Variants in KCNH4 observed in about 807,000 individuals in gnomAD.
The protein encoded by KCNH4 is potassium voltage-gated channel subfamily H member 4.
A neutral mutation model predicts 90.7 loss-of-function variants in KCNH4; 33 were observed. The ratio of observed to expected loss-of-function variants is 0.36; its 90% CI spans 0.28 to 0.49. KCNH4 has a LOEUF of 0.49. Ranked by LOEUF, KCNH4 falls within the 20% of genes least tolerant of loss-of-function variation. KCNH4 has a pLI of 0.98. For missense variants in KCNH4, 1,044 were observed against 1,387.1 expected (o/e 0.75, Z 3.93); for synonymous variants, 551 against 581.7 (o/e 0.95, Z 0.76).
intron 4 of KCNH4, 141 bp from the exon 5 acceptor site, chr17:42,176,438 G>C: frequency 1.2e-5 from 8 of 667,944 alleles, no homozygotes; most frequent in Non-Finnish European, 2.0e-5. Flanking sequence ...GAGATAGAAG[G>C]CCAGGAGAGG....
In KCNH4 at chr17:42,160,040, T is replaced by A; in HGVS notation, c.3054A>T (p.Ter1018CysextTer53). The change falls in exon 16 of 17, where the codon TGA becomes TGT. Residue 1018 changes from the stop codon to cysteine (C), a stop_lost. Coordinates refer to ENST00000264661, the MANE Select transcript of KCNH4 (RefSeq NM_012285.3). ...GACAGGCCTGGGCCCTGGGCCAGGG[T>A]CAGTGGAACGTGTCTGACCTGGACT... is the stretch of plus-strand genomic sequence containing the variant. Reference protein sequence around the residue: ...SFQSRSDTFH* With the variant: ...SFQSRSDTFHC 6.6e-7 allele frequency: 1 copy of A among 1,511,800 alleles called. No homozygotes were observed. The highest frequency in any genetic ancestry group is 2.2e-5 in the Admixed American group (1 of 46,220). The allele number at this position is 1,511,800 out of a possible 1,614,324, so 93.6% of individuals were successfully genotyped here. A position where few individuals can be genotyped will look rare whatever the true frequency, so the allele number is the denominator to read the frequency against.
In KCNH4 at chr17:42,165,971, G is replaced by A. The variant is rs555424131; in HGVS notation, c.1841-278C>T. On this transcript the variant is annotated intron_variant, in intron 10 of 16. Transcript: ENST00000264661. ...CACAATGGCCGGAGGGGTCAGGTCA[G>A]TTAGAGGGTAAAAGTGAATGGAGTT... 6.6e-5 allele frequency among the ~76,000 whole-genome samples: 10 copies of A among 152,214 alleles called. No homozygotes were observed. In the East Asian group the frequency reaches 1.9e-3, roughly 29 times the overall value.
Position 42,163,887 on chromosome 17 carries a change from C to A in KCNH4, c.2196G>T (p.Ala732=). 1 of 1,540,764 alleles carries A rather than the reference C, an allele frequency of 6.5e-7. No individual in the cohort carries two copies. The highest frequency in any genetic ancestry group is 2.4e-5 in the East Asian group (1 of 41,390). ...GGGGCCTGGGACCACCCCCAGGCTC[C>A]GCGCCACTCTCGGCCTCTGTGATGG... The part of the protein sequence containing the change: ...LPSITEAESG[A]EPGGGPRPRR... The change falls in exon 13 of 17, where the codon GCG becomes GCT. Residue 732 remains alanine (A), a synonymous_variant. Coordinates refer to ENST00000264661, the MANE Select transcript of KCNH4 (RefSeq NM_012285.3). The surrounding 1 kb of genome is among the most constrained non-coding windows in gnomAD (Gnocchi z 5.4).
At position 42,175,581 on chromosome 17, in the gene KCNH4, C is replaced by T. The variant is rs141143817; in HGVS notation, c.985G>A (p.Val329Met). The T allele has an allele frequency of 5.0e-5, 81 of 1,613,988 alleles. No individual in the cohort carries two copies. Among genetic ancestry groups the T allele is most frequent in the Middle Eastern group, 1.6e-4 (1 of 6,080 alleles). ...FDLLYIFNIT[V>M]TSLVHLLKTV... is the part of the protein sequence containing the mutation. ...ATGGCGGGATGGAGGTCACTCACCA[C>T]GGTGATGTTGAAGATGTAAAGCAGG... Residue 329 changes from valine to methionine, a missense_variant and splice_region_variant, in exon 6 of 17, where the codon GTG becomes ATG. Physicochemically the swap from Val to Met is conservative, Grantham distance 21. Coordinates refer to ENST00000264661, the MANE Select transcript of KCNH4 (RefSeq NM_012285.3).
rs775955361 is a variant in KCNH4 at position 42,169,715 on chromosome 17, C to A, written c.1391-39G>T. 5 of 1,592,948 alleles carry A rather than the reference C, an allele frequency of 3.1e-6. No homozygotes were observed. The East Asian group carries it at 6.7e-5, about 21-fold the overall frequency. ...AGCGGGCCTGTCAGGGGCGGCCACC[C>A]CTCTGGCCACCTCCCCAGCTCCCAA... On this transcript the variant is annotated intron_variant, in intron 8 of 16. Coordinates refer to ENST00000264661, the MANE Select transcript of KCNH4 (RefSeq NM_012285.3).
At chr17:42,167,736 C>A (rs1271607953) in intron 9 of KCNH4, among the ~76,000 whole-genome samples, 3 of 152,260 alleles carry the variant, frequency 2.0e-5, no homozygotes, top group Non-Finnish European at 4.4e-5. Context: ...GGGAGTCACT[C>A]TGAGCTCCTC....
intron 10 of KCNH4, among the ~76,000 whole-genome samples, 191 bp from the exon 11 acceptor site, chr17:42,165,884 G>A (rs1411226888): frequency 6.6e-6 from 1 of 152,206 alleles, no homozygotes; most frequent in Non-Finnish European, 1.5e-5. Context: ...GTAAGGCTGG[G>A]AGACAGTCAG....
At chr17:42,161,164 G>A (rs148849317) in intron 15 of KCNH4, among the ~76,000 whole-genome samples, 5,337 of 152,082 alleles carry the variant, frequency 0.035, 142 homozygotes, top group Non-Finnish European at 0.054. Flanking sequence ...TCCTGACTTC[G>A]TGATCCACCC....
chr17:42,169,778 G>T, intron 8 of KCNH4, 102 bp from the exon 9 acceptor site: 1 of 1,229,862 alleles, frequency 8.1e-7, no homozygotes, highest in Non-Finnish European at 1.2e-6. Flanking sequence ...GCGGGCTCCT[G>T]TGTGCCTACC....
chr17:42,166,309 G>A lies in KCNH4; in HGVS notation c.1828C>T (p.Leu610=). The A allele has an allele frequency of 6.2e-7, 1 of 1,605,692 alleles. No homozygotes were observed. The highest frequency in any genetic ancestry group is 8.5e-7 in the Non-Finnish European group (1 of 1,176,160). Residue 610 remains leucine, a synonymous_variant, in exon 10 of 17, where the codon CTG becomes TTG. Coordinates refer to ENST00000264661, the MANE Select transcript of KCNH4 (RefSeq NM_012285.3). ...SLEVLRDNMV[L]AILGKGDLIG... ...ACGGTGTCCTTACCCAGGATGGCCA[G>A]CACCATGTTGTCTCGGAGCACCTCA... is the stretch of plus-strand genomic sequence containing the variant.
At chr17:42,164,751 G>A (rs2079774383) in intron 11 of KCNH4, among the ~76,000 whole-genome samples, 1 of 151,830 alleles carries the variant, frequency 6.6e-6, no homozygotes, top group African/African-American at 2.4e-5. Context: ...GCAGTGAGCT[G>A]AGATGGCGCC....
intron 6 of KCNH4, among the ~76,000 whole-genome samples, chr17:42,173,090 T>C (rs1474572337): frequency 1.3e-5 from 2 of 151,724 alleles, no homozygotes; most frequent in Non-Finnish European, 2.9e-5. Flanking sequence ...CCAAGTACCA[T>C]CTGCATTGTG....
At chr17:42,174,733 T>C (rs2079850439) in intron 6 of KCNH4, among the ~76,000 whole-genome samples, 1 of 152,098 alleles carries the variant, frequency 6.6e-6, no homozygotes, top group African/African-American at 2.4e-5. Context: ...GAAGACCTAC[T>C]ATCTGCTGGC....
At chr17:42,160,582 A>G (rs1026087783) in intron 15 of KCNH4, 147 bp from the exon 16 acceptor site, 3 of 799,126 alleles carry the variant, frequency 3.8e-6, no homozygotes, top group Non-Finnish European at 5.7e-6. Flanking sequence ...TTTTGCCTAG[A>G]TGGAAAATGC....
At chr17:42,178,524 G>T (rs1259168302) in intron 2 of KCNH4, 47 bp from the exon 3 acceptor site, 1 of 1,604,274 alleles carries the variant, frequency 6.2e-7, no homozygotes, top group Admixed American at 1.7e-5. Flanking sequence ...CAGCCCCATG[G>T]CATGCCTTTC....
rs145008142 is a variant in KCNH4 at position 42,177,543 on chromosome 17, A to G, written c.585+557T>C. On this transcript the variant is annotated intron_variant, in intron 4 of 16. Transcript: ENST00000264661. ...GAAGAAGACTATGACAAATCGGCAC[A>G]TGCCCTAGCTTGAGGGGTACCTAAC... Among the ~76,000 whole-genome samples, 386 of 152,322 alleles carry G rather than the reference A, an allele frequency of 2.5e-3. 2 individuals are homozygous for G. Among genetic ancestry groups the G allele is most frequent in the African/African-American group, 8.8e-3 (367 of 41,568 alleles).
rs377088765 is a variant in KCNH4, at chr17:42,166,647, T to C, written c.1591-101A>G. The C allele has an allele frequency of 6.4e-5, 94 of 1,457,712 alleles. No homozygotes were observed. The African/African-American group carries it at 1.0e-3, about 16-fold the overall frequency. The allele number at this position is 1,457,712 out of a possible 1,614,324, so 90.3% of individuals were successfully genotyped here. A position where few individuals can be genotyped will look rare whatever the true frequency, so the allele number is the denominator to read the frequency against. On this transcript the variant is annotated intron_variant, in intron 9 of 16. Transcript: ENST00000264661. ...TTCAAAGAGAGAATTCCTCTTGCCC[T>C]TGCTTTGAAGTCACCCATTCCAGAC...
In KCNH4 at chr17:42,169,465, C is replaced by T. The variant is rs199873282; in HGVS notation, c.1590+12G>A. Reference sequence around the variant, plus strand: ...GGAGGGCAAGGGCAAGATTGGAGACCCTGCAGGCTACCTCGTTGGCGTCGA... The same window carrying T: ...GGAGGGCAAGGGCAAGATTGGAGACTCTGCAGGCTACCTCGTTGGCGTCGA... On this transcript the variant is annotated intron_variant, in intron 9 of 16. Coordinates refer to ENST00000264661, the MANE Select transcript of KCNH4 (RefSeq NM_012285.3). 9.7e-5 allele frequency: 157 copies of T among 1,612,080 alleles called. No homozygotes were observed. Among genetic ancestry groups the T allele is most frequent in the Non-Finnish European group, 1.3e-4 (151 of 1,179,722 alleles).
In KCNH4 at chr17:42,180,084, C is replaced by T. The variant is rs1183016519; in HGVS notation, c.76+786G>A. On this transcript the variant is annotated intron_variant, in intron 1 of 16. Transcript: ENST00000264661. This position sits in a 1 kb window ranked among gnomAD's most constrained non-coding sequence, Gnocchi z 4.7. ...CAGGGCCTGTTGCCCCGGTGATGGG[C>T]GCTATGGAAACAAGGTGGTGGGGAA... Among the ~76,000 whole-genome samples, 2 of 152,312 alleles carry T rather than the reference C, an allele frequency of 1.3e-5. No individual in the cohort carries two copies. Among genetic ancestry groups the T allele is most frequent in the Admixed American group, 6.5e-5 (1 of 15,304 alleles).
Sources: gnomAD v4.1 joint callset for allele counts (sites outside exome capture counted in the v4.1 genomes callset) on GRCh38, gnomAD v4.1.1 for gene constraint, Gnocchi (gnomAD v3.1) non-coding constraint, MANE v1.5 for transcripts, NCBI Gene and HGNC (gene_info 2026-07-23, HGNC 2026-07-21) for gene names.